The following ARHGAP31 variants were observed in gnomAD, a reference collection of about 807,000 sequenced individuals.
ARHGAP31 encodes rho GTPase-activating protein 31.
In ARHGAP31, 34 loss-of-function variants were observed where a neutral mutation model predicts 113.9. The observed-to-expected ratio is 0.30, with a 90% CI of 0.23 to 0.40. ARHGAP31 has a LOEUF of 0.40. Among genes scored for constraint, ARHGAP31 ranks in the 10% least tolerant of loss-of-function variants. The pLI is 1.00. For missense variants in ARHGAP31, 1,548 were observed against 1,767.1 expected, an observed-to-expected ratio of 0.88 and a Z score of 2.22; for synonymous variants, 650 against 684.8, an observed-to-expected ratio of 0.95 and a Z score of 0.79.
chr3:119,361,546 A>T (rs2080206948), intron 1 of ARHGAP31, among the ~76,000 whole-genome samples: 1 of 151,946 alleles, frequency 6.6e-6, no homozygotes, highest in Non-Finnish European at 1.5e-5. Context: ...CACACCTGGC[A>T]AATTTTTGCA....
rs574117636 is a variant in ARHGAP31, at chr3:119,386,133, C to T, written c.682+2907C>T. ...TCTTATTATAAATTCTTACTGACTT[C>T]AATAAATTGCCATACTTAATATTTA... On this transcript the variant is annotated intron_variant, in intron 6 of 11. Transcript: ENST00000264245. Among the ~76,000 whole-genome samples, 39 of 152,332 alleles carry T rather than the reference C, an allele frequency of 2.6e-4. 1 individual carries two copies. The South Asian group carries it at 7.2e-3, about 28-fold the overall frequency.
intron 1 of ARHGAP31, among the ~76,000 whole-genome samples, chr3:119,338,217 A>G (rs1484188090): frequency 6.6e-6 from 1 of 152,192 alleles, no homozygotes; most frequent in Non-Finnish European, 1.5e-5. Context: ...ACTCATAGTG[A>G]CATCCATGAC....
rs184398200 is a variant in ARHGAP31 at position 119,313,983 on chromosome 3, C to A, written c.100+18979C>A. Among the ~76,000 whole-genome samples the A allele has an allele frequency of 2.0e-5, 3 of 152,340 alleles. No individual in the cohort carries two copies. The East Asian group carries it at 5.8e-4, about 29-fold the overall frequency. Reference sequence around the variant, plus strand: ...CTCACTAAATCCGTCAATGGCTTTCCAGTGCCTGCAAGACAAACACCAACT... The same window carrying A: ...CTCACTAAATCCGTCAATGGCTTTCAAGTGCCTGCAAGACAAACACCAACT... On this transcript the variant is annotated intron_variant, in intron 1 of 11. Transcript: ENST00000264245.
chr3:119,412,980 T>C (rs1247162880), intron 11 of ARHGAP31, among the ~76,000 whole-genome samples: 2 of 151,560 alleles, frequency 1.3e-5, no homozygotes, highest in Non-Finnish European at 2.9e-5. Context: ...ATCACGCCAC[T>C]GCACTCCATC....
intron 5 of ARHGAP31, 70 bp from the exon 6 acceptor site, chr3:119,383,014 A>T: frequency 6.3e-7 from 1 of 1,582,584 alleles, no homozygotes; most frequent in Non-Finnish European, 8.7e-7. Flanking sequence ...CAAAAGGCCC[A>T]CTGGCTCCTC....
rs12634505 is a variant in ARHGAP31 at position 119,364,753 on chromosome 3, G to A, written c.101-563G>A. 7.5e-3 allele frequency among the ~76,000 whole-genome samples: 1,146 copies of A among 152,144 alleles called. 38 individuals are homozygous for A. The East Asian group carries it at 0.11, about 14-fold the overall frequency. ...TTGTGGAATGTCCAAGCTCACCACT[G>A]GTCTCAAAATCTAAGTTTTTGAATA... On this transcript the variant is annotated intron_variant, in intron 1 of 11. Transcript: ENST00000264245.
At position 119,415,778 on chromosome 3, in the gene ARHGAP31, C is replaced by G; in HGVS notation, c.3849C>G (p.Cys1283Trp). Residue 1283 changes from cysteine (C) to tryptophan (W), a missense_variant, in exon 12 of 12, where the codon TGC becomes TGG. Coordinates refer to ENST00000264245, the MANE Select transcript of ARHGAP31 (RefSeq NM_020754.4). ...SPVDATAPCM[C>W]EGPTLSPEPG... ...TGGATGCCACTGCACCCTGCATGTG[C>G]GAGGGACCTACCCTTTCTCCAGAAC... The G allele has an allele frequency of 6.2e-7, 1 of 1,614,208 alleles. No homozygotes were observed. Among genetic ancestry groups the G allele is most frequent in the East Asian group, 2.2e-5 (1 of 44,886 alleles).
chr3:119,368,220 A>T, intron 2 of ARHGAP31, 152 bp from the exon 3 acceptor site: 1 of 986,558 alleles, frequency 1.0e-6, no homozygotes, highest in Non-Finnish European at 1.5e-6. Context: ...GTGACTTCCT[A>T]GGGCCTGGAG....
At chr3:119,327,540 G>A (rs1385464776) in intron 1 of ARHGAP31, among the ~76,000 whole-genome samples, 3 of 152,146 alleles carry the variant, frequency 2.0e-5, no homozygotes, top group Non-Finnish European at 4.4e-5. Flanking sequence ...GCGAGACAAT[G>A]TCTCAAAAAA....
intron 1 of ARHGAP31, among the ~76,000 whole-genome samples, chr3:119,317,677 G>A (rs2079746263): frequency 6.6e-6 from 1 of 152,114 alleles, no homozygotes; most frequent in Non-Finnish European, 1.5e-5. Flanking sequence ...AGGAGGAAAG[G>A]GAAGAAAGAA....
In ARHGAP31 at chr3:119,414,600, G is replaced by T. The variant is rs568994391; in HGVS notation, c.2671G>T (p.Asp891Tyr). 4 of 1,614,260 alleles carry T rather than the reference G, an allele frequency of 2.5e-6. No individual in the cohort carries two copies. In the Admixed American group the frequency reaches 5.0e-5, roughly 20 times the overall value. ...SVQEPSDCDE[D>Y]DTVTDIAQHG... Reference sequence around the variant, plus strand: ...ACAGGAGCCTTCAGACTGTGACGAAGATGACACTGTGACAGACATTGCCCA... The same window carrying T: ...ACAGGAGCCTTCAGACTGTGACGAATATGACACTGTGACAGACATTGCCCA... The change falls in exon 12 of 12, where the codon GAT becomes TAT. Residue 891 changes from aspartate (D) to tyrosine (Y), a missense_variant. Coordinates refer to ENST00000264245, the MANE Select transcript of ARHGAP31 (RefSeq NM_020754.4).
intron 9 of ARHGAP31, among the ~76,000 whole-genome samples, chr3:119,400,316 A>G (rs1228045396): frequency 6.6e-6 from 1 of 152,094 alleles, no homozygotes; most frequent in Non-Finnish European, 1.5e-5. Flanking sequence ...CATGCCTATA[A>G]TTCCAGCTAC....
intron 3 of ARHGAP31, among the ~76,000 whole-genome samples, chr3:119,380,364 T>A (rs1164819175): frequency 6.6e-6 from 1 of 151,760 alleles, no homozygotes; most frequent in Non-Finnish European, 1.5e-5. Context: ...ATTCTGTATC[T>A]GTCTCATTTA....
intron 1 of ARHGAP31, among the ~76,000 whole-genome samples, chr3:119,330,805 A>G (rs535233715): frequency 1.3e-5 from 2 of 152,354 alleles, no homozygotes; most frequent in African/African-American, 4.8e-5. Context: ...GGGCTTTGAA[A>G]TGCTTTTAAG....
chr3:119,337,142 T>C (rs910049654), intron 1 of ARHGAP31, among the ~76,000 whole-genome samples: 1 of 152,194 alleles, frequency 6.6e-6, no homozygotes, highest in East Asian at 1.9e-4. Flanking sequence ...CTTGCTCACT[T>C]CAAGAATGAA....
At chr3:119,351,418 T>C (rs1307698903) in intron 1 of ARHGAP31, among the ~76,000 whole-genome samples, 1 of 152,154 alleles carries the variant, frequency 6.6e-6, no homozygotes, top group Non-Finnish European at 1.5e-5. Flanking sequence ...TGCATGAATT[T>C]TGGATTCAAA....
intron 1 of ARHGAP31, among the ~76,000 whole-genome samples, chr3:119,360,250 A>G (rs2080194212): frequency 6.6e-6 from 1 of 152,224 alleles, no homozygotes; most frequent in South Asian, 2.1e-4. Flanking sequence ...CGAGTATATT[A>G]TATTGTGTGT....
At position 119,383,185 on chromosome 3, in the gene ARHGAP31, A is replaced by G. The variant is rs758262903; in HGVS notation, c.641A>G (p.Gln214Arg). Residue 214 changes from glutamine (Q) to arginine (R), a missense_variant, in exon 6 of 12, where the codon CAA becomes CGA. Physicochemically the swap from Gln to Arg is conservative, Grantham distance 43. Coordinates refer to ENST00000264245, the MANE Select transcript of ARHGAP31 (RefSeq NM_020754.4). ...VIEFILNHVDQIFNNGAPGSL... is the reference protein window; with the variant it reads ...VIEFILNHVDRIFNNGAPGSL... ...GAGTTCATATTGAATCATGTAGATCAAATCTTTAACAACGGTGCACCTGGG... is the reference window on the plus strand; with the variant it reads ...GAGTTCATATTGAATCATGTAGATCGAATCTTTAACAACGGTGCACCTGGG... 7 of 1,614,194 alleles carry G rather than the reference A, an allele frequency of 4.3e-6. No homozygotes were observed. Among genetic ancestry groups the G allele is most frequent in the Non-Finnish European group, 5.9e-6 (7 of 1,180,024 alleles).
chr3:119,317,032 G>A lies in ARHGAP31; in HGVS notation c.100+22028G>A, dbSNP rs77050504. Among the ~76,000 whole-genome samples the A allele has an allele frequency of 9.1e-3, 1,393 of 152,264 alleles. 22 individuals carry two copies. The highest frequency in any genetic ancestry group is 0.031 in the African/African-American group (1,289 of 41,566). ...AAGCTTTCCTCTGGGCAGTCCAGGT[G>A]TTTTGTTTTGCGTAAGACATTTTGT... is the stretch of plus-strand genomic sequence containing the variant. On this transcript the variant is annotated intron_variant, in intron 1 of 11. Coordinates refer to ENST00000264245, the MANE Select transcript of ARHGAP31 (RefSeq NM_020754.4).
Sources: gnomAD v4.1 joint callset for allele counts (sites outside exome capture counted in the v4.1 genomes callset) on GRCh38, gnomAD v4.1.1 for gene constraint, MANE v1.5 for transcripts, NCBI Gene and HGNC (gene_info 2026-07-23, HGNC 2026-07-21) for gene names.